Variants in MYOM1 observed in about 807,000 individuals in gnomAD.
The protein encoded by MYOM1 is myomesin 1, also known as myomesin-1.
A neutral mutation model predicts 205.3 loss-of-function variants in MYOM1; 164 were observed. The observed-to-expected ratio is 0.80, with a 90% CI of 0.70 to 0.91. The LOEUF is 0.91. MYOM1 is among the 40% of genes least tolerant of loss of function. MYOM1 has a pLI of 0.00. For missense variants in MYOM1, 2,011 were observed against 2,127.3 expected, an observed-to-expected ratio of 0.95 and a Z score of 1.08; for synonymous variants, 772 against 789.4, an observed-to-expected ratio of 0.98 and a Z score of 0.37.
Position 3,176,058 on chromosome 18 carries a change from T to C in MYOM1, c.1006A>G (p.Thr336Ala), listed in dbSNP as rs2080635358. The C allele has an allele frequency of 6.3e-7, 1 of 1,595,772 alleles. No homozygotes were observed. The highest frequency in any genetic ancestry group is 1.3e-5 in the African/African-American group (1 of 74,612). ...TTCTCTTACCCATTAATCTCCAGAGTGTGCATCCCATATCGACTCTCAATA... is the reference window on the plus strand; with the variant it reads ...TTCTCTTACCCATTAATCTCCAGAGCGTGCATCCCATATCGACTCTCAATA... ...YIIESRYGMH[T>A]LEINGCDFED... The change falls in exon 6 of 38, where the codon ACT (threonine) becomes GCT (alanine). Residue 336 changes from threonine to alanine, a missense_variant. Physicochemically the swap from Thr to Ala is moderately conservative, Grantham distance 58. Coordinates refer to ENST00000356443, the MANE Select transcript of MYOM1 (RefSeq NM_003803.4).
intron 35 of MYOM1, 105 bp from the exon 36 acceptor site, chr18:3,075,581 G>T: frequency 6.9e-7 from 1 of 1,445,794 alleles, no homozygotes; most frequent in Non-Finnish European, 9.7e-7. Context: ...ACATTTTGCT[G>T]TTCAATATAA....
intron 2 of MYOM1, among the ~76,000 whole-genome samples, chr18:3,199,222 C>A (rs918630783): frequency 1.1e-4 from 16 of 152,140 alleles, no homozygotes; most frequent in African/African-American, 3.6e-4. Context: ...TGTGATAAAA[C>A]CCCACATCCA....
At chr18:3,132,118 G>GTGTATATATA (rs369243798) in intron 16 of MYOM1, among the ~76,000 whole-genome samples, 49 of 143,452 alleles carry the variant, frequency 3.4e-4, no homozygotes, top group Middle Eastern at 3.6e-3. Flanking sequence ...ATATGTGTGT[G>GTGTATATATA]TATATATATA....
At chr18:3,072,005 T>C in intron 36 of MYOM1, 116 bp from the exon 37 acceptor site, 1 of 899,550 alleles carries the variant, frequency 1.1e-6, no homozygotes, top group Non-Finnish European at 1.8e-6. Flanking sequence ...GATAGTTCTT[T>C]TATACAGTTT....
At chr18:3,123,625 A>C (rs1222967788) in intron 19 of MYOM1, among the ~76,000 whole-genome samples, 1 of 151,460 alleles carries the variant, frequency 6.6e-6, no homozygotes, top group African/African-American at 2.4e-5. Context: ...GTTGAATGTA[A>C]GTTTTTTTAT....
chr18:3,077,572 G>A (rs964879967), intron 34 of MYOM1, among the ~76,000 whole-genome samples: 1 of 152,162 alleles, frequency 6.6e-6, no homozygotes, highest in Non-Finnish European at 1.5e-5. Flanking sequence ...CACTCTGACA[G>A]AGAGGTGGGA....
At chr18:3,076,665 T>C (rs925348282) in intron 34 of MYOM1, among the ~76,000 whole-genome samples, 1 of 151,816 alleles carries the variant, frequency 6.6e-6, no homozygotes, top group Non-Finnish European at 1.5e-5. Flanking sequence ...CTCAAATAAT[T>C]TTTTTCTGTG....
At chr18:3,113,142 T>C (rs1353277383) in intron 21 of MYOM1, among the ~76,000 whole-genome samples, 3 of 151,906 alleles carry the variant, frequency 2.0e-5, no homozygotes, top group Non-Finnish European at 4.4e-5. Flanking sequence ...AAAGCATTTA[T>C]AATTTATTTT....
the MYOM1 span, among the ~76,000 whole-genome samples, chr18:3,230,510 T>C: frequency 6.6e-6 from 1 of 152,244 alleles, no homozygotes; most frequent in Non-Finnish European, 1.5e-5. Context: ...CAAGTTTTCA[T>C]TTGCATAGTA....
chr18:3,099,216 G>C (rs2079346163), intron 25 of MYOM1, among the ~76,000 whole-genome samples: 1 of 152,178 alleles, frequency 6.6e-6, no homozygotes, highest in South Asian at 2.1e-4. Context: ...GAGAAGGTCC[G>C]CAATTCATTC....
At chr18:3,183,910 T>TC (rs113138607) in intron 5 of MYOM1, among the ~76,000 whole-genome samples, 3 of 132,144 alleles carry the variant, frequency 2.3e-5, no homozygotes, top group Admixed American at 7.2e-5. Context: ...GTTCTCTCTC[T>TC]TTTTTTTTTT....
At position 3,079,330 on chromosome 18, in the gene MYOM1, A is replaced by G; in HGVS notation, c.4497T>C (p.Ile1499=). 6.2e-7 allele frequency: 1 copy of G among 1,610,044 alleles called. No individual in the cohort carries two copies. The highest frequency in any genetic ancestry group is 8.5e-7 in the Non-Finnish European group (1 of 1,176,956). Residue 1499 remains isoleucine, a synonymous_variant, in exon 34 of 38, where the codon ATT becomes ATC. Transcript: ENST00000356443. ...CGGTCTTAACTCTGTCTGAGTACCT[A>G]ATGGCGGACCCACTGTGAAAATCGA... ...KVNWSHNGSA[I]RYSDRVKTGV...
chr18:3,083,491 C>T (rs1366820871), intron 33 of MYOM1, among the ~76,000 whole-genome samples: 2 of 131,510 alleles, frequency 1.5e-5, no homozygotes, highest in African/African-American at 5.6e-5. Flanking sequence ...TACAGTGGTG[C>T]AATCTCGGCT....
At chr18:3,120,060 G>A (rs1700380217) in intron 19 of MYOM1, 65 bp from the exon 20 acceptor site, 1 of 1,511,462 alleles carries the variant, frequency 6.6e-7, no homozygotes, top group Non-Finnish European at 8.9e-7. Context: ...TCTACTTGTT[G>A]AGCATTTTAT....
rs1383365736 is a variant in MYOM1, at chr18:3,215,230, C to G, written c.-7G>C. 6.2e-7 allele frequency: 1 copy of G among 1,602,330 alleles called. No individual in the cohort carries two copies. Among genetic ancestry groups the G allele is most frequent in the African/African-American group, 1.3e-5 (1 of 74,716 alleles). On this transcript the variant is annotated 5_prime_UTR_variant, in exon 2 of 38. Coordinates refer to ENST00000356443, the MANE Select transcript of MYOM1 (RefSeq NM_003803.4). ...GATAAAAAGGCAAAGACATCCTGTG[C>G]CCCTTGAAGGAACCGGGCCACCTGA...
intron 22 of MYOM1, among the ~76,000 whole-genome samples, chr18:3,104,721 GCA>G (rs2079427656): frequency 6.9e-6 from 1 of 145,956 alleles, no homozygotes; most frequent in Non-Finnish European, 1.5e-5. Context: ...CTAGTATGCT[GCA>G]CACTCACCAG....
At chr18:3,162,484 TC>T (rs1343396649) in intron 10 of MYOM1, among the ~76,000 whole-genome samples, 3 of 152,152 alleles carry the variant, frequency 2.0e-5, no homozygotes, top group African/African-American at 7.2e-5. Context: ...TCCTGCCCCT[TC>T]TGACTCATGA....
At chr18:3,193,280 A>G (rs1227047823) in intron 3 of MYOM1, among the ~76,000 whole-genome samples, 1 of 150,746 alleles carries the variant, frequency 6.6e-6, no homozygotes, top group Non-Finnish European at 1.5e-5. Flanking sequence ...TCTCAAATAC[A>G]TAAATATATA....
At chr18:3,154,869 C>T in intron 11 of MYOM1, 78 bp downstream of exon 11, 1 of 1,464,542 alleles carries the variant, frequency 6.8e-7, no homozygotes, top group Non-Finnish European at 9.2e-7. Context: ...AAAATATTTC[C>T]ACTAGAAATG....
Sources: allele counts gnomAD v4.1 joint callset (sites outside exome capture counted in the v4.1 genomes callset), GRCh38; gene constraint gnomAD v4.1.1; transcripts MANE v1.5; gene names NCBI Gene and HGNC (gene_info 2026-07-23, HGNC 2026-07-21).